Variants in IQCM observed in about 807,000 individuals in gnomAD.
IQCM encodes the protein IQ domain-containing protein M.
IQCM carries 45 observed loss-of-function variants against 57.6 expected under a neutral mutation model. The observed-to-expected ratio is 0.78, with a 90% CI of 0.62 to 1.00. The LOEUF (loss-of-function observed/expected upper bound fraction) is 1.00, where lower values mean the gene tolerates loss of function less well. Ranked by LOEUF, IQCM falls within the 50% of genes least tolerant of loss-of-function variation. The pLI is 0.00. For missense variants in IQCM, 468 were observed against 511.6 expected, an observed-to-expected ratio of 0.91 and a Z score of 0.82; for synonymous variants, 148 against 158.9, an observed-to-expected ratio of 0.93 and a Z score of 0.51.
chr4:149,404,185 C>G (rs1732816031), intron 13 of IQCM, among the ~76,000 whole-genome samples: 1 of 151,982 alleles, frequency 6.6e-6, no homozygotes, highest in South Asian at 2.1e-4. Flanking sequence ...TTCAGATTCA[C>G]TCAGGTATGT....
At chr4:149,544,385 C>T (rs1053080787) in intron 12 of IQCM, among the ~76,000 whole-genome samples, 2 of 151,948 alleles carry the variant, frequency 1.3e-5, no homozygotes, top group African/African-American at 4.8e-5. Flanking sequence ...CCCTGAAAAC[C>T]ATAAGACACT....
intron 3 of IQCM, chr4:149,737,808 C>T (rs1171146844): frequency 6.6e-6 from 1 of 152,348 alleles, no homozygotes; most frequent in East Asian, 1.9e-4. Flanking sequence ...GGAAAGCCAG[C>T]AAGCTATTCC....
chr4:149,792,239 A>AT (rs1772693996), intron 2 of IQCM, among the ~76,000 whole-genome samples: 1 of 152,162 alleles, frequency 6.6e-6, no homozygotes, highest in Non-Finnish European at 1.5e-5. Flanking sequence ...GATTAACAGC[A>AT]TTTTAATTCA....
At chr4:149,456,826 G>A (rs191698266) in intron 12 of IQCM, among the ~76,000 whole-genome samples, 5 of 152,138 alleles carry the variant, frequency 3.3e-5, no homozygotes, top group East Asian at 3.9e-4. Flanking sequence ...GCCAAAGTAC[G>A]TTAATTTGGA....
chr4:149,678,832 G>A (rs571716469), intron 7 of IQCM, among the ~76,000 whole-genome samples: 1 of 151,510 alleles, frequency 6.6e-6, no homozygotes, highest in South Asian at 2.1e-4. Flanking sequence ...CTACAATGAA[G>A]TATGATATTA....
intron 7 of IQCM, among the ~76,000 whole-genome samples, chr4:149,634,417 AT>A (rs1374494653): frequency 6.6e-6 from 1 of 152,224 alleles, no homozygotes; most frequent in Non-Finnish European, 1.5e-5. Flanking sequence ...TGTATTGTAG[AT>A]TACAAAAGGG....
intron 12 of IQCM, among the ~76,000 whole-genome samples, chr4:149,450,692 C>T (rs1430379937): frequency 6.6e-6 from 1 of 151,572 alleles, no homozygotes; most frequent in Non-Finnish European, 1.5e-5. Context: ...TAGCTTATAT[C>T]CAAAAGACAG....
At chr4:149,444,924 A>AT (rs1038702775) in intron 12 of IQCM, among the ~76,000 whole-genome samples, 1 of 151,932 alleles carries the variant, frequency 6.6e-6, no homozygotes, top group African/African-American at 2.4e-5. Context: ...CTTTGACTAC[A>AT]TTAAAACAAA....
rs150345058 is a variant in IQCM at position 149,664,557 on chromosome 4, A to G, written c.565+17561T>C. On this transcript the variant is annotated intron_variant, in intron 7 of 13. Transcript: ENST00000636793. ...TCATCTCTGTGCAATTTCTTTAATT[A>G]TAATCCTCCTCATTATGTCTGTGAT... Among the ~76,000 whole-genome samples, 408 of 152,240 alleles carry G rather than the reference A, an allele frequency of 2.7e-3. 3 individuals carry two copies. The highest frequency in any genetic ancestry group is 9.5e-3 in the African/African-American group (396 of 41,568).
At chr4:149,533,220 T>G (rs1010451453) in intron 12 of IQCM, among the ~76,000 whole-genome samples, 2 of 152,100 alleles carry the variant, frequency 1.3e-5, no homozygotes, top group African/African-American at 4.8e-5. Flanking sequence ...ATTCTACATG[T>G]GATAGGAAGG....
intron 2 of IQCM, among the ~76,000 whole-genome samples, chr4:149,749,150 G>C (rs545044925): frequency 6.6e-6 from 1 of 152,052 alleles, no homozygotes; most frequent in Non-Finnish European, 1.5e-5. Context: ...GAAACCATTT[G>C]GTATTATCTT....
intron 13 of IQCM, among the ~76,000 whole-genome samples, chr4:149,403,718 G>GAACA (rs1460893582): frequency 6.6e-6 from 1 of 151,922 alleles, no homozygotes; most frequent in Non-Finnish European, 1.5e-5. Context: ...GAGGAAAAAG[G>GAACA]AACAGCTTCG....
chr4:149,439,447 A>G (rs1369274584), intron 12 of IQCM, among the ~76,000 whole-genome samples: 3 of 152,070 alleles, frequency 2.0e-5, no homozygotes, highest in Non-Finnish European at 4.4e-5. Context: ...ATCACTATAT[A>G]TAAATAAATT....
At chr4:149,481,557 A>G (rs1579209528) in intron 12 of IQCM, among the ~76,000 whole-genome samples, 1 of 151,878 alleles carries the variant, frequency 6.6e-6, no homozygotes, top group East Asian at 1.9e-4. Context: ...AAATGAGTTC[A>G]CTGTAGGTGT....
chr4:149,693,221 A>AT (rs890286524), intron 5 of IQCM, among the ~76,000 whole-genome samples: 2 of 152,096 alleles, frequency 1.3e-5, no homozygotes, highest in African/African-American at 4.8e-5. Context: ...ACCTCCAGCT[A>AT]TTGTGTGTTC....
intron 13 of IQCM, among the ~76,000 whole-genome samples, chr4:149,362,854 CT>C (rs1729588581): frequency 6.6e-6 from 1 of 152,186 alleles, no homozygotes; most frequent in South Asian, 2.1e-4. Context: ...ACCAACAAAA[CT>C]TCTTGGGGAA....
At chr4:149,550,496 A>G (rs866525753) in intron 11 of IQCM, among the ~76,000 whole-genome samples, 13 of 152,198 alleles carry the variant, frequency 8.5e-5, no homozygotes, top group African/African-American at 2.9e-4. Flanking sequence ...TATGTTTCTC[A>G]CAAGATAATA....
chr4:149,576,295 C>T (rs1319489538), intron 9 of IQCM, among the ~76,000 whole-genome samples: 1 of 151,678 alleles, frequency 6.6e-6, no homozygotes, highest in Non-Finnish European at 1.5e-5. Context: ...TGATCCTCAC[C>T]CTCCTCCCAC....
At chr4:149,705,518 G>C (rs2149820569) in intron 5 of IQCM, among the ~76,000 whole-genome samples, 1 of 151,714 alleles carries the variant, frequency 6.6e-6, no homozygotes, top group Non-Finnish European at 1.5e-5. Context: ...ACTTGAGTTG[G>C]CATACCTTTT....
Sources: allele counts gnomAD v4.1 joint callset (sites outside exome capture counted in the v4.1 genomes callset), GRCh38; gene constraint gnomAD v4.1.1; transcripts MANE v1.5; gene names NCBI Gene and HGNC (gene_info 2026-07-23, HGNC 2026-07-21).